TLK1: variants seen among roughly 807,000 people sequenced by gnomAD.
TLK1 encodes the protein serine/threonine-protein kinase tousled-like 1.
TLK1 carries 24 observed loss-of-function variants against 105.3 expected under a neutral mutation model. That is an observed-to-expected ratio of 0.23 (90% confidence interval 0.17 to 0.32). The LOEUF (loss-of-function observed/expected upper bound fraction) is 0.32. TLK1 is among the 10% of genes least tolerant of loss of function. The probability of loss-of-function intolerance (pLI) is 1.00; values close to 1 mark genes in which losing one functional copy is unlikely to be tolerated. For synonymous variants in TLK1, 321 were observed against 310.4 expected (o/e 1.03, Z -0.36); for missense variants, 558 against 910.5 (o/e 0.61, Z 4.98).
intron 3 of TLK1, among the ~76,000 whole-genome samples, chr2:171,065,909 A>G (rs979251184): frequency 3.3e-5 from 5 of 152,242 alleles, no homozygotes; most frequent in African/African-American, 4.8e-5. Flanking sequence ...AAATGGCATG[A>G]CAAACCTTTT....
At chr2:171,022,084 AAAACAC>A (rs1325311455) in intron 12 of TLK1, among the ~76,000 whole-genome samples, 18 of 14,904 alleles carry the variant, frequency 1.2e-3, no homozygotes, top group East Asian at 4.9e-3. Flanking sequence ...GCCTGGGCGA[AAAACAC>A]ACACACACAC....
intron 1 of TLK1, among the ~76,000 whole-genome samples, chr2:171,145,754 A>C (rs113734450): frequency 3.9e-5 from 6 of 152,376 alleles, no homozygotes; most frequent in African/African-American, 1.4e-4. Context: ...TGCAATTAAA[A>C]TTACAGTTTC....
chr2:171,067,036 C>T, intron 3 of TLK1: 1 of 1,447,272 alleles, frequency 6.9e-7, no homozygotes, highest in Non-Finnish European at 9.2e-7. Context: ...AATGGAGTAA[C>T]ATACTCCTGT....
intron 1 of TLK1, among the ~76,000 whole-genome samples, chr2:171,147,498 T>G (rs997610126): frequency 1.3e-5 from 2 of 152,214 alleles, no homozygotes; most frequent in Admixed American, 1.3e-4. Context: ...TGCCTCAGCC[T>G]CCCAAGTAGC....
intron 3 of TLK1, among the ~76,000 whole-genome samples, chr2:171,082,030 TAC>T (rs3084370): frequency 5.3e-4 from 78 of 146,370 alleles, no homozygotes; most frequent in East Asian, 1.0e-3. Flanking sequence ...ACGGGAAAAA[TAC>T]ACACACACAC....
intron 1 of TLK1, among the ~76,000 whole-genome samples, chr2:171,227,925 C>T (rs1360824887): frequency 6.6e-6 from 1 of 152,122 alleles, no homozygotes; most frequent in African/African-American, 2.4e-5. Context: ...CCTGTAATCC[C>T]AGCACTTTGG....
At chr2:171,077,464 T>C (rs1278938887) in intron 3 of TLK1, among the ~76,000 whole-genome samples, 1 of 152,266 alleles carries the variant, frequency 6.6e-6, no homozygotes, top group African/African-American at 2.4e-5. Flanking sequence ...GTCAAGGTTC[T>C]GCCAAAAGCA....
At position 171,006,490 on chromosome 2, in the gene TLK1, ATGT is replaced by A; in HGVS notation, c.1749_1751del (p.His584del). ...CATAATTACCTGGCTTAAGATCATAATGTATAATAGGGGGTTTGATCTCATTGA... is the reference window on the plus strand; with the variant it reads ...CATAATTACCTGGCTTAAGATCATAAATAATAGGGGGTTTGATCTCATTGA... On this transcript the variant is annotated inframe_deletion, in exon 17 of 21. Coordinates refer to ENST00000431350, the MANE Select transcript of TLK1 (RefSeq NM_012290.5). The A allele has an allele frequency of 6.3e-7, 1 of 1,599,526 alleles. No homozygotes were observed. Among genetic ancestry groups the A allele is most frequent in the Non-Finnish European group, 8.5e-7 (1 of 1,174,322 alleles).
At chr2:171,177,743 A>G (rs899466924) in intron 1 of TLK1, among the ~76,000 whole-genome samples, 2 of 152,194 alleles carry the variant, frequency 1.3e-5, no homozygotes, top group Non-Finnish European at 2.9e-5. Flanking sequence ...ACTATAGTGC[A>G]TTTTTGAACA....
At chr2:171,159,930 G>A (rs899181074) in intron 1 of TLK1, 3 of 194,538 alleles carry the variant, frequency 1.5e-5, no homozygotes, top group South Asian at 1.9e-4. Context: ...AGGCCAGGAG[G>A]TTAAGAGTAC....
chr2:171,117,852 T>C lies in TLK1; in HGVS notation c.145A>G (p.Met49Val), dbSNP rs1690498417. The change falls in exon 2 of 21, where the codon ATG (methionine) becomes GTG (valine). Residue 49 changes from methionine to valine, a missense_variant. Physicochemically the swap from Met to Val is conservative, Grantham distance 21 (BLOSUM62 1). Around this residue, in one of 5 missense-constraint regions of TLK1, gnomAD observed 104 missense variants for 116.0 expected, o/e 0.90. Transcript: ENST00000431350. The part of the protein sequence containing the change: ...PPSGRPREGA[M>V]DELHSLDPRR... ...GGATCCAGACTATGAAGCTCATCCA[T>C]TGCACCTATTAAGAAAAAAAAATAT... 3 of 1,607,454 alleles carry C rather than the reference T, an allele frequency of 1.9e-6. No individual in the cohort carries two copies. The highest frequency in any genetic ancestry group is 2.5e-6 in the Non-Finnish European group (3 of 1,178,168).
At chr2:171,063,337 C>T (rs541140967) in intron 3 of TLK1, among the ~76,000 whole-genome samples, 3 of 152,110 alleles carry the variant, frequency 2.0e-5, no homozygotes, top group Non-Finnish European at 4.4e-5. Context: ...CACAGCGAGA[C>T]TCCATCTCAA....
rs1232577713 is a variant in TLK1, at chr2:171,011,364, A to G, written c.1416+9T>C. 1 of 1,597,546 alleles carries G rather than the reference A, an allele frequency of 6.3e-7. No homozygotes were observed. The highest frequency in any genetic ancestry group is 1.7e-5 in the Admixed American group (1 of 57,306). ...TAGTGTAAAAAAAACAGAATAAAAC[A>G]TACATTACCTTATACACTTCACTAA... On this transcript the variant is annotated intron_variant, in intron 14 of 20. Coordinates refer to ENST00000431350, the MANE Select transcript of TLK1 (RefSeq NM_012290.5).
intron 2 of TLK1, among the ~76,000 whole-genome samples, chr2:171,103,127 A>G (rs897829665): frequency 1.3e-5 from 2 of 152,020 alleles, no homozygotes; most frequent in Non-Finnish European, 2.9e-5. Context: ...TTAGCCTAAC[A>G]CTAGATCAAA....
rs565217514 is a variant in TLK1, at chr2:171,206,683, A to G, written c.-6+24462T>C. Among the ~76,000 whole-genome samples, 4 of 152,368 alleles carry G rather than the reference A, an allele frequency of 2.6e-5. No homozygotes were observed. The East Asian group carries it at 7.7e-4, about 29-fold the overall frequency. On this transcript the variant is annotated intron_variant, in intron 1 of 20. Coordinates refer to the TLK1 transcript ENST00000521943. The stretch of plus-strand genomic sequence containing the variant: ...ACCAGCTTGCTAGAAACTAAAATCT[A>G]TGTAAAAGTGTGGACTGGACATGAA...
At chr2:171,142,764 C>T (rs937018199) in intron 1 of TLK1, among the ~76,000 whole-genome samples, 2 of 152,198 alleles carry the variant, frequency 1.3e-5, no homozygotes, top group South Asian at 2.1e-4. Flanking sequence ...GAACATATTA[C>T]ACCACATCTA....
chr2:171,090,078 A>G (rs1041530138), intron 2 of TLK1, among the ~76,000 whole-genome samples: 5 of 152,210 alleles, frequency 3.3e-5, no homozygotes, highest in Non-Finnish European at 5.9e-5. Flanking sequence ...TGAGTCTTCC[A>G]ATATTTGAAT....
chr2:171,130,207 A>G (rs7581195), intron 1 of TLK1, among the ~76,000 whole-genome samples: 61,321 of 151,970 alleles, frequency 0.4, 14,115 homozygotes, highest in African/African-American at 0.61. Context: ...TTCAAGACCA[A>G]CCTGGCCAAC....
At chr2:171,052,776 A>G (rs988964464) in intron 8 of TLK1, among the ~76,000 whole-genome samples, 1 of 152,256 alleles carries the variant, frequency 6.6e-6, no homozygotes, top group Non-Finnish European at 1.5e-5. Context: ...TAAATATGAC[A>G]GGATCAGGAA....
Sources: gnomAD v4.1 joint callset for allele counts (sites outside exome capture counted in the v4.1 genomes callset) on GRCh38, gnomAD v4.1.1 for gene constraint, gnomAD v4.1.1 regional missense constraint, MANE v1.5 for transcripts, NCBI Gene and HGNC (gene_info 2026-07-23, HGNC 2026-07-21) for gene names.